The following CDH10 variants were observed in gnomAD, a reference collection of about 807,000 sequenced individuals.
CDH10 encodes the protein cadherin 10.
Under a neutral mutation model 73.1 loss-of-function variants are expected in CDH10, and 30 were observed. The observed-to-expected ratio is 0.41, with a 90% CI of 0.31 to 0.56. The LOEUF is 0.56. Ranked by LOEUF, CDH10 falls within the 20% of genes least tolerant of loss-of-function variation. The pLI is 0.27. For synonymous variants in CDH10, 345 were observed against 348.2 expected (o/e 0.99, Z 0.10); for missense variants, 815 against 973.7 (o/e 0.84, Z 2.17).
chr5:24,492,881 A>G lies in CDH10; in HGVS notation c.1560T>C (p.Gly520=). Residue 520 remains glycine (G), a synonymous_variant, in exon 10 of 12, where the codon GGT becomes GGC. Transcript: ENST00000264463. ...CTAAACTGAAAAAAAATTTCTGTCC[A>G]CCTAAAGGGTCATCTTTGTCTACTG... ...ISAVDKDDPL[G]GQKFFFSLAA... 4.4e-6 allele frequency: 7 copies of G among 1,587,032 alleles called. No individual in the cohort carries two copies. In the South Asian group the frequency reaches 7.7e-5, roughly 18 times the overall value.
intron 2 of CDH10, among the ~76,000 whole-genome samples, chr5:24,550,155 G>C (rs73743635): frequency 0.015 from 2,255 of 152,090 alleles, 57 homozygotes; most frequent in African/African-American, 0.052. Context: ...TAGAAATAAA[G>C]TACATGAAAA....
intron 2 of CDH10, among the ~76,000 whole-genome samples, chr5:24,548,734 AAG>A (rs898920953): frequency 6.6e-5 from 10 of 152,110 alleles, no homozygotes; most frequent in African/African-American, 2.4e-4. Flanking sequence ...GATAAACAAA[AAG>A]AAAACTTTCC....
At chr5:24,496,466 C>T (rs565509196) in intron 9 of CDH10, among the ~76,000 whole-genome samples, 27 of 152,142 alleles carry the variant, frequency 1.8e-4, no homozygotes, top group Non-Finnish European at 3.1e-4. Flanking sequence ...GAGGGGACTA[C>T]TAATATTACA....
At chr5:24,621,670 G>C (rs9918256) in intron 1 of CDH10, among the ~76,000 whole-genome samples, 8 of 151,892 alleles carry the variant, frequency 5.3e-5, no homozygotes, top group Admixed American at 5.2e-4. Context: ...AAGAACTGAA[G>C]GAAAAAAGAG....
At chr5:24,573,058 TAACAAG>T (rs1745452795) in intron 2 of CDH10, among the ~76,000 whole-genome samples, 1 of 150,408 alleles carries the variant, frequency 6.6e-6, no homozygotes, top group African/African-American at 2.4e-5. Flanking sequence ...TTTCCAAAAG[TAACAAG>T]AACATGTGCT....
At chr5:24,627,619 C>T (rs1272965011) in intron 1 of CDH10, among the ~76,000 whole-genome samples, 4 of 151,992 alleles carry the variant, frequency 2.6e-5, no homozygotes, top group African/African-American at 9.7e-5. Flanking sequence ...TCAGGTCCCT[C>T]GTTTGTAAAA....
At chr5:24,641,072 A>G (rs1442426731) in intron 1 of CDH10, among the ~76,000 whole-genome samples, 1 of 151,954 alleles carries the variant, frequency 6.6e-6, no homozygotes, top group East Asian at 1.9e-4. Flanking sequence ...TTTTTTGACA[A>G]TATGTGTCTA....
chr5:24,623,262 T>G (rs958854802), intron 1 of CDH10, among the ~76,000 whole-genome samples: 1 of 152,102 alleles, frequency 6.6e-6, no homozygotes, highest in African/African-American at 2.4e-5. Flanking sequence ...TATGTAACAG[T>G]CTTGAACAGC....
At chr5:24,502,363 GAAGA>G (rs1474830881) in intron 8 of CDH10, among the ~76,000 whole-genome samples, 2 of 152,174 alleles carry the variant, frequency 1.3e-5, no homozygotes, top group African/African-American at 4.8e-5. Flanking sequence ...TAAATGATTA[GAAGA>G]AAGGCCTTAA....
chr5:24,609,684 A>C (rs1049323309), intron 1 of CDH10: 1 of 137,312 alleles, frequency 7.3e-6, no homozygotes, highest in Non-Finnish European at 1.5e-5. Flanking sequence ...AGAGGAATTC[A>C]GGAGATTGTG....
chr5:24,573,611 G>C (rs1246027930), intron 2 of CDH10, among the ~76,000 whole-genome samples: 1 of 150,224 alleles, frequency 6.7e-6, no homozygotes, highest in African/African-American at 2.4e-5. Context: ...TGAGGCAGGA[G>C]AATGGCGTGA....
At chr5:24,598,112 A>C (rs1746432938) in intron 1 of CDH10, among the ~76,000 whole-genome samples, 2 of 152,028 alleles carry the variant, frequency 1.3e-5, no homozygotes, top group African/African-American at 2.4e-5. Flanking sequence ...TTATACAATT[A>C]AAATGAGTCA....
At chr5:24,509,901 G>A in intron 6 of CDH10, 82 bp from the exon 7 acceptor site, 1 of 1,106,556 alleles carries the variant, frequency 9.0e-7, no homozygotes, top group Non-Finnish European at 1.3e-6. Context: ...TGATTTTTAA[G>A]TTGTGGTTGA....
chr5:24,540,684 G>A (rs1156792419), intron 2 of CDH10, among the ~76,000 whole-genome samples: 2 of 151,812 alleles, frequency 1.3e-5, no homozygotes, highest in African/African-American at 4.8e-5. Context: ...ATCCTAAGAC[G>A]ACAGAATTAC....
At chr5:24,556,465 A>C (rs2111972297) in intron 2 of CDH10, among the ~76,000 whole-genome samples, 1 of 152,058 alleles carries the variant, frequency 6.6e-6, no homozygotes, top group Non-Finnish European at 1.5e-5. Context: ...GTGTTAATTT[A>C]TATATTTTCT....
chr5:24,625,981 C>T (rs1747482618), intron 1 of CDH10, among the ~76,000 whole-genome samples: 1 of 151,980 alleles, frequency 6.6e-6, no homozygotes, highest in African/African-American at 2.4e-5. Flanking sequence ...CCTACTGCTA[C>T]ATTAATATGA....
At chr5:24,581,282 A>T (rs974526054) in intron 2 of CDH10, among the ~76,000 whole-genome samples, 1 of 152,180 alleles carries the variant, frequency 6.6e-6, no homozygotes, top group African/African-American at 2.4e-5. Flanking sequence ...ATTTGCAGTA[A>T]CTATTTCTTC....
intron 5 of CDH10, among the ~76,000 whole-genome samples, chr5:24,534,382 G>A (rs1419230508): frequency 6.6e-6 from 1 of 152,012 alleles, no homozygotes; most frequent in East Asian, 1.9e-4. Context: ...AAAATTGGGA[G>A]TGTCCATTGA....
intron 7 of CDH10, among the ~76,000 whole-genome samples, chr5:24,505,853 C>T (rs544153615): frequency 2.6e-5 from 4 of 152,272 alleles, no homozygotes; most frequent in South Asian, 2.1e-4. Context: ...CAGGGGCTCA[C>T]GCCTGTAATC....
Sources: gnomAD v4.1 joint callset for allele counts (sites outside exome capture counted in the v4.1 genomes callset) on GRCh38, gnomAD v4.1.1 for gene constraint, MANE v1.5 for transcripts, NCBI Gene and HGNC (gene_info 2026-07-23, HGNC 2026-07-21) for gene names.